KIF21A: variants seen among roughly 807,000 people sequenced by gnomAD.
KIF21A encodes the protein kinesin family member 21A.
In KIF21A, 114 loss-of-function variants were observed where a neutral mutation model predicts 202.9. The ratio of observed to expected loss-of-function variants is 0.56; its 90% CI spans 0.48 to 0.66. KIF21A has a LOEUF of 0.66. Ranked by LOEUF, KIF21A falls within the 30% of genes least tolerant of loss-of-function variation. KIF21A has a pLI of 0.00. For synonymous variants in KIF21A, 667 were observed against 670.8 expected (o/e 0.99, Z 0.09); for missense variants, 1,677 against 1,994.9 (o/e 0.84, Z 3.04).
chr12:39,358,256 C>T lies in KIF21A; in HGVS notation c.1137G>A (p.Gln379=). ...CATTGATTTGCTGACTAGCTCTGTC[C>T]TGATTGACCATCACCTTATTCTTGA... ...RNIKNKVMVN[Q]DRASQQINAL... The change falls in exon 8 of 38, where the codon CAG becomes CAA. Residue 379 remains glutamine, a synonymous_variant. Transcript: ENST00000361418. 3 of 1,614,084 alleles carry T rather than the reference C, an allele frequency of 1.9e-6. No individual in the cohort carries two copies. The highest frequency in any genetic ancestry group is 2.7e-5 in the African/African-American group (2 of 75,022).
chr12:39,425,372 T>C (rs1375235559), intron 1 of KIF21A, among the ~76,000 whole-genome samples: 2 of 152,212 alleles, frequency 1.3e-5, no homozygotes, highest in African/African-American at 4.8e-5. Flanking sequence ...CAAATGGTTT[T>C]TGACAGACTG....
chr12:39,366,963 C>CA, intron 5 of KIF21A, 67 bp downstream of exon 5: 1 of 1,425,628 alleles, frequency 7.0e-7, no homozygotes. Context: ...AATATATTCT[C>CA]AGAGAATTCA....
intron 35 of KIF21A, among the ~76,000 whole-genome samples, 168 bp downstream of exon 35, chr12:39,304,653 C>T (rs980460521): frequency 2.0e-5 from 3 of 151,554 alleles, no homozygotes; most frequent in Admixed American, 2.0e-4. Context: ...CATGATTGAA[C>T]AATAAGACAA....
In KIF21A at chr12:39,332,202, A is replaced by C. The variant is rs775908999; in HGVS notation, c.3051+12T>G. 3.1e-5 allele frequency: 50 copies of C among 1,611,688 alleles called. No homozygotes were observed. Among genetic ancestry groups the C allele is most frequent in the Non-Finnish European group, 3.9e-5 (46 of 1,178,590 alleles). ...TTCATTAAACCATTACGCTTTTTTA[A>C]AAATTACAAACCTTTGCTTCTTCCA... On this transcript the variant is annotated intron_variant, in intron 21 of 37. Transcript: ENST00000361418.
chr12:39,319,851 TA>T, intron 28 of KIF21A, 54 bp downstream of exon 28: 2 of 1,004,012 alleles, frequency 2.0e-6, no homozygotes, highest in Non-Finnish European at 3.1e-6. Flanking sequence ...CTTTAGCATC[TA>T]AGTGCAGCAG....
At position 39,340,042 on chromosome 12, in the gene KIF21A, T is replaced by C. The variant is rs73266498; in HGVS notation, c.2310+123A>G. On this transcript the variant is annotated intron_variant, in intron 16 of 37. Transcript: ENST00000361418. ...CTTCTAATTGCCAAAGGAAATTACA[T>C]CATTTGTAAGATTGGGTTACCTTTA... The C allele has an allele frequency of 2.3e-3, 1,721 of 748,818 alleles. 17 individuals are homozygous for C. The African/African-American group carries it at 0.027, about 12-fold the overall frequency. The allele number at this position is 748,818 out of a possible 1,614,324, so 46.4% of individuals were successfully genotyped here. A position where few individuals can be genotyped will look rare whatever the true frequency, so the allele number is the denominator to read the frequency against.
chr12:39,307,652 T>C lies in KIF21A; in HGVS notation c.4355A>G (p.Asn1452Ser). 1 of 1,613,926 alleles carries C rather than the reference T, an allele frequency of 6.2e-7. No individual in the cohort carries two copies. The highest frequency in any genetic ancestry group is 2.2e-5 in the East Asian group (1 of 44,860). ...GTTTAGGGCAATTTGATTGATCTGGTTCTCTCCAGAAGGAATAGCTACTGT... is the reference window on the plus strand; with the variant it reads ...GTTTAGGGCAATTTGATTGATCTGGCTCTCTCCAGAAGGAATAGCTACTGT... The part of the protein sequence containing the change: ...SRTVAIPSGE[N>S]QINQIALNPT... The change falls in exon 34 of 38, where the codon AAC (asparagine) becomes AGC (serine). Residue 1452 changes from asparagine (N) to serine (S), a missense_variant. By Grantham distance (46) the Asn-to-Ser change is conservative (BLOSUM62 1). Around this residue, in one of 3 missense-constraint regions of KIF21A, gnomAD observed 705 missense variants for 791.9 expected, o/e 0.89. Coordinates refer to ENST00000361418, the MANE Select transcript of KIF21A (RefSeq NM_001173464.2).
intron 16 of KIF21A, among the ~76,000 whole-genome samples, chr12:39,338,628 A>C (rs7980595): frequency 0.1 from 15,208 of 152,226 alleles, 774 homozygotes; most frequent in East Asian, 0.14. Context: ...CATACCTTGG[A>C]GACCTTGCAG....
intron 1 of KIF21A, among the ~76,000 whole-genome samples, chr12:39,383,942 G>A (rs369130149): frequency 1.9e-4 from 29 of 152,208 alleles, no homozygotes; most frequent in Admixed American, 9.2e-4. Flanking sequence ...TGATATTAAG[G>A]GTCTGAGTGG....
chr12:39,370,330 CT>C, intron 1 of KIF21A, 69 bp from the exon 2 acceptor site: 1 of 1,167,706 alleles, frequency 8.6e-7, no homozygotes, highest in African/African-American at 1.5e-5. Context: ...AAAAATAGGA[CT>C]TAAAAACTCT....
At chr12:39,409,034 C>G (rs113642174) in intron 1 of KIF21A, among the ~76,000 whole-genome samples, 314 of 151,712 alleles carry the variant, frequency 2.1e-3, no homozygotes, top group African/African-American at 7.4e-3. Context: ...AAGGGTCTCC[C>G]TATGTTGCCC....
chr12:39,417,745 C>G (rs185327506), intron 1 of KIF21A, among the ~76,000 whole-genome samples: 17 of 152,022 alleles, frequency 1.1e-4, no homozygotes, highest in African/African-American at 3.9e-4. Flanking sequence ...TAATTTAAAA[C>G]CTGAACTAGG....
At chr12:39,387,415 T>G (rs1363495932) in intron 1 of KIF21A, among the ~76,000 whole-genome samples, 1 of 152,100 alleles carries the variant, frequency 6.6e-6, no homozygotes, top group Non-Finnish European at 1.5e-5. Context: ...AACAAGTGAT[T>G]TTCTCCTCCC....
At chr12:39,397,047 G>A (rs973002913) in intron 1 of KIF21A, among the ~76,000 whole-genome samples, 2 of 152,146 alleles carry the variant, frequency 1.3e-5, no homozygotes, top group Non-Finnish European at 2.9e-5. Flanking sequence ...AGTTGCCTGA[G>A]ACCGACTATT....
intron 1 of KIF21A, among the ~76,000 whole-genome samples, chr12:39,389,520 G>T (rs1951193335): frequency 6.6e-6 from 1 of 152,134 alleles, no homozygotes; most frequent in African/African-American, 2.4e-5. Flanking sequence ...TTTCAATGGA[G>T]TCTGCTTGCC....
intron 1 of KIF21A, among the ~76,000 whole-genome samples, chr12:39,433,718 A>G (rs552927793): frequency 2.0e-4 from 31 of 152,296 alleles, no homozygotes; most frequent in South Asian, 6.2e-4. Flanking sequence ...CTTTGTGGAA[A>G]AAGAAAGAAT....
chr12:39,371,289 C>A (rs564297028), intron 1 of KIF21A, among the ~76,000 whole-genome samples: 1 of 152,216 alleles, frequency 6.6e-6, no homozygotes, highest in Non-Finnish European at 1.5e-5. Flanking sequence ...AGTGAAAGTT[C>A]TAATATCTTC....
chr12:39,294,598 G>A, intron 37 of KIF21A, 81 bp from the exon 38 acceptor site: 2 of 1,092,550 alleles, frequency 1.8e-6, no homozygotes, highest in South Asian at 2.6e-5. Context: ...ACTTATCATG[G>A]AAATATTTTC....
At chr12:39,304,451 T>C (rs535517700) in intron 35 of KIF21A, among the ~76,000 whole-genome samples, 1 of 152,248 alleles carries the variant, frequency 6.6e-6, no homozygotes, top group Non-Finnish European at 1.5e-5. Context: ...TCATTTAACA[T>C]TTAAATTTAA....
Sources: allele counts gnomAD v4.1 joint callset (sites outside exome capture counted in the v4.1 genomes callset), GRCh38; gene constraint gnomAD v4.1.1; regional missense constraint gnomAD v4.1.1; transcripts MANE v1.5; gene names NCBI Gene and HGNC (gene_info 2026-07-23, HGNC 2026-07-21).